CMTR1: variants seen among roughly 807,000 people sequenced by gnomAD.
CMTR1 encodes cap-specific mRNA (nucleoside-2'-O-)-methyltransferase 1.
CMTR1 carries 39 observed loss-of-function variants against 107.0 expected under a neutral mutation model. The observed-to-expected ratio is 0.36, with a 90% CI of 0.28 to 0.48. CMTR1 has a LOEUF of 0.48. CMTR1 is among the 20% of genes least tolerant of loss of function. CMTR1 has a pLI of 0.99. For synonymous variants in CMTR1, 366 were observed against 379.5 expected (o/e 0.96, Z 0.41); for missense variants, 672 against 1,064.9 (o/e 0.63, Z 5.14).
intron 2 of CMTR1, among the ~76,000 whole-genome samples, chr6:37,443,419 A>G (rs1026138149): frequency 2.0e-5 from 3 of 151,904 alleles, no homozygotes; most frequent in African/African-American, 7.3e-5. Flanking sequence ...CAGTGGCGCA[A>G]TTTCGGCTCA....
At chr6:37,462,319 C>T (rs1354219006) in intron 12 of CMTR1, among the ~76,000 whole-genome samples, 1 of 152,148 alleles carries the variant, frequency 6.6e-6, no homozygotes, top group African/African-American at 2.4e-5. Flanking sequence ...ATGCTCCATG[C>T]TTATGTGAGG....
In CMTR1 at chr6:37,451,491, C is replaced by T. The variant is rs150863813; in HGVS notation, c.538-315C>T. ...CATTCCCCATCCTTCTGCCTCCATGCTCCAGGGTTAGACAGCTTGAATGTC... is the reference window on the plus strand; with the variant it reads ...CATTCCCCATCCTTCTGCCTCCATGTTCCAGGGTTAGACAGCTTGAATGTC... On this transcript the variant is annotated intron_variant, in intron 5 of 23. Transcript: ENST00000373451. Among the ~76,000 whole-genome samples, 602 of 152,306 alleles carry T rather than the reference C, an allele frequency of 4.0e-3. 18 individuals are homozygous for T. Among genetic ancestry groups the T allele is most frequent in the Admixed American group, 0.035 (529 of 15,296 alleles).
chr6:37,444,086 A>G lies in CMTR1; in HGVS notation c.221A>G (p.Asp74Gly). Residue 74 changes from aspartate (D) to glycine (G), a missense_variant, in exon 3 of 24, where the codon GAC becomes GGC. Transcript: ENST00000373451. Reference protein sequence around the residue: ...SDSFDDAFKADSLVEGTSSRY... With the variant: ...SDSFDDAFKAGSLVEGTSSRY... ...TCTTTTGACGATGCATTCAAAGCAGACTCTCTTGTGGAAGGAACTTCTTCT... is the reference window on the plus strand; with the variant it reads ...TCTTTTGACGATGCATTCAAAGCAGGCTCTCTTGTGGAAGGAACTTCTTCT... 2 of 1,614,054 alleles carry G rather than the reference A, an allele frequency of 1.2e-6. No homozygotes were observed. The highest frequency in any genetic ancestry group is 1.7e-6 in the Non-Finnish European group (2 of 1,180,000).
the CMTR1 span, among the ~76,000 whole-genome samples, chr6:37,428,047 A>AGAGAGG: frequency 6.8e-6 from 1 of 148,052 alleles, no homozygotes; most frequent in African/African-American, 2.6e-5. Flanking sequence ...AGAGAGAGAG[A>AGAGAGG]GAGAGAGAGA....
chr6:37,430,502 A>C (rs1443244936), upstream of CMTR1, among the ~76,000 whole-genome samples: 1 of 151,716 alleles, frequency 6.6e-6, no homozygotes, highest in Non-Finnish European at 1.5e-5. Flanking sequence ...CAATGTCTTA[A>C]TGGTGTCTTT....
chr6:37,474,506 G>A lies in CMTR1; in HGVS notation c.1822-18G>A, dbSNP rs764292489. 32 of 1,589,368 alleles carry A rather than the reference G, an allele frequency of 2.0e-5. No individual in the cohort carries two copies. The highest frequency in any genetic ancestry group is 2.7e-5 in the Non-Finnish European group (32 of 1,168,780). On this transcript the variant is annotated intron_variant, in intron 17 of 23. Transcript: ENST00000373451. ...ATCTCCATGCCTTCCTTACCTGGCT[G>A]TTTCTCTCTGCCTGTAGAAATCCCA...
In CMTR1 at chr6:37,446,342, C is replaced by G. The variant is rs1214688181; in HGVS notation, c.337C>G (p.Arg113Gly). The G allele has an allele frequency of 6.2e-7, 1 of 1,614,120 alleles. No homozygotes were observed. Among genetic ancestry groups the G allele is most frequent in the Non-Finnish European group, 8.5e-7 (1 of 1,180,022 alleles). ...GEGLGKYSQG[R>G]KDIVEASSQK... ...AGGATTGGGTAAATACAGCCAGGGT[C>G]GGAAGGACATCGTTGAGGCTTCCAG... Residue 113 changes from arginine to glycine, a missense_variant, in exon 4 of 24, where the codon CGG (arginine) becomes GGG (glycine). Coordinates refer to ENST00000373451, the MANE Select transcript of CMTR1 (RefSeq NM_015050.3).
Position 37,472,622 on chromosome 6 carries a change from C to A in CMTR1, c.1689+135C>A. 1 of 842,724 alleles carries A rather than the reference C, an allele frequency of 1.2e-6. No homozygotes were observed. Among genetic ancestry groups the A allele is most frequent in the Non-Finnish European group, 2.0e-6 (1 of 509,766 alleles). The allele number at this position is 842,724 out of a possible 1,614,324, so 52.2% of individuals were successfully genotyped here. On this transcript the variant is annotated intron_variant, in intron 16 of 23. Coordinates refer to ENST00000373451, the MANE Select transcript of CMTR1 (RefSeq NM_015050.3). This position sits in a 1 kb window ranked among gnomAD's most constrained non-coding sequence, Gnocchi z 4.1. ...CCACCATGGGCTCTAAGGGGCGGAG[C>A]TAAGGCTGCCACAGGTGGGAACCTT...
rs879490143 is a variant in CMTR1 at position 37,458,258 on chromosome 6, G to A, written c.778-354G>A. 2.6e-5 allele frequency among the ~76,000 whole-genome samples: 4 copies of A among 152,014 alleles called. No homozygotes were observed. Among genetic ancestry groups the A allele is most frequent in the Non-Finnish European group, 4.4e-5 (3 of 68,006 alleles). On this transcript the variant is annotated intron_variant, in intron 8 of 23. Transcript: ENST00000373451. The surrounding 1 kb of genome is among the most constrained non-coding windows in gnomAD (Gnocchi z 4.7). ...TTTAGTAGAGACAGGGTTTTACCACGTTGGCCAGGCTGGTCTCAAACCCCT... is the reference window on the plus strand; with the variant it reads ...TTTAGTAGAGACAGGGTTTTACCACATTGGCCAGGCTGGTCTCAAACCCCT...
chr6:37,471,838 T>C lies in CMTR1; in HGVS notation c.1563-9T>C, dbSNP rs1330153642. The C allele has an allele frequency of 6.2e-7, 1 of 1,613,710 alleles. No individual in the cohort carries two copies. The highest frequency in any genetic ancestry group is 1.3e-5 in the African/African-American group (1 of 74,896). ...AGATTTTAATCACTAACTGGCTTCA[T>C]ATTCCCAGGACACTGAGTGAGCCTC... On this transcript the variant is annotated splice_polypyrimidine_tract_variant and intron_variant, in intron 14 of 23. Transcript: ENST00000373451.
intron 13 of CMTR1, 148 bp downstream of exon 13, chr6:37,463,156 G>T: frequency 1.2e-6 from 1 of 806,642 alleles, no homozygotes; most frequent in Non-Finnish European, 2.0e-6. Flanking sequence ...AGGGCTCCCT[G>T]GGACTTTGGT....
At position 37,481,294 on chromosome 6, in the gene CMTR1, C is replaced by T; in HGVS notation, c.*1149C>T. 1 of 1,225,030 alleles carries T rather than the reference C, an allele frequency of 8.2e-7. No individual in the cohort carries two copies. The highest frequency in any genetic ancestry group is 1.0e-6 in the Non-Finnish European group (1 of 958,164). The allele number at this position is 1,225,030 out of a possible 1,614,324, so 75.9% of individuals were successfully genotyped here. On this transcript the variant is annotated 3_prime_UTR_variant, in exon 24 of 24. Transcript: ENST00000373451. ...GATGTTCATGCAGGCTCCCTAGGGCCCCATCCCAGTGCCAGGCTGGTTTCC... is the reference window on the plus strand; with the variant it reads ...GATGTTCATGCAGGCTCCCTAGGGCTCCATCCCAGTGCCAGGCTGGTTTCC...
chr6:37,443,191 G>C (rs576512570), intron 2 of CMTR1, among the ~76,000 whole-genome samples: 1 of 152,170 alleles, frequency 6.6e-6, no homozygotes, highest in South Asian at 2.1e-4. Context: ...CCTTCCAAAA[G>C]CTCTTTTTGC....
At chr6:37,474,687 G>A (rs1046363562) in intron 18 of CMTR1, 41 bp downstream of exon 18, 8 of 1,606,806 alleles carry the variant, frequency 5.0e-6, no homozygotes, top group Non-Finnish European at 6.8e-6. Context: ...CTGCAGCTAG[G>A]GGACTAGGGG....
chr6:37,457,951 C>T (rs1185506018), intron 8 of CMTR1, among the ~76,000 whole-genome samples: 1 of 152,118 alleles, frequency 6.6e-6, no homozygotes, highest in East Asian at 1.9e-4. Flanking sequence ...TTTTCCCTAT[C>T]TGTATATGTG....
intron 13 of CMTR1, among the ~76,000 whole-genome samples, chr6:37,468,877 C>A (rs984331214): frequency 1.3e-5 from 2 of 149,424 alleles, no homozygotes; most frequent in African/African-American, 5.0e-5. Flanking sequence ...AGTAAGACTC[C>A]GTCTCAAAAA....
chr6:37,439,161 TA>T (rs1771610520), intron 2 of CMTR1, among the ~76,000 whole-genome samples: 1 of 152,158 alleles, frequency 6.6e-6, no homozygotes, highest in Non-Finnish European at 1.5e-5. Flanking sequence ...CTGGCCAGAG[TA>T]AAGAAGAAAA....
upstream of CMTR1, among the ~76,000 whole-genome samples, chr6:37,432,008 G>C (rs1771389580): frequency 6.6e-6 from 1 of 152,158 alleles, no homozygotes; most frequent in African/African-American, 2.4e-5. Context: ...AGTAGAGACG[G>C]GATTTCACCA....
At chr6:37,424,593 A>G in the CMTR1 span, among the ~76,000 whole-genome samples, 1 of 152,148 alleles carries the variant, frequency 6.6e-6, no homozygotes, top group African/African-American at 2.4e-5. Flanking sequence ...TTAAAAATAC[A>G]TTAGTCTCCT....
Sources: gnomAD v4.1 joint callset for allele counts (sites outside exome capture counted in the v4.1 genomes callset) on GRCh38, gnomAD v4.1.1 for gene constraint, Gnocchi (gnomAD v3.1) non-coding constraint, MANE v1.5 for transcripts, NCBI Gene and HGNC (gene_info 2026-07-23, HGNC 2026-07-21) for gene names.